The following TRAPPC9 variants were observed in gnomAD, a reference collection of about 807,000 sequenced individuals.
TRAPPC9 encodes the protein trafficking protein particle complex subunit 9.
A neutral mutation model predicts 124.0 loss-of-function variants in TRAPPC9; 83 were observed. The observed-to-expected ratio is 0.67, with a 90% CI of 0.56 to 0.80. The LOEUF is 0.80. Ranked by LOEUF, TRAPPC9 falls within the 30% of genes least tolerant of loss-of-function variation. TRAPPC9 has a pLI of 0.00. For synonymous variants in TRAPPC9, 638 were observed against 617.5 expected (o/e 1.03, Z -0.49); for missense variants, 1,302 against 1,508.3 (o/e 0.86, Z 2.27).
At chr8:140,126,889 C>T (rs970631866) in intron 17 of TRAPPC9, among the ~76,000 whole-genome samples, 11 of 152,168 alleles carry the variant, frequency 7.2e-5, no homozygotes, top group African/African-American at 1.9e-4. Context: ...ACTAATTGTG[C>T]GTTCGCAGCT....
chr8:139,910,183 C>T lies in TRAPPC9; in HGVS notation c.2928G>A (p.Leu976=). Residue 976 remains leucine, a synonymous_variant, in exon 20 of 23, where the codon CTG becomes CTA. Transcript: ENST00000438773. The part of the protein sequence containing the change: ...LEEERREARG[L]EIHSKLGICW... ...AGATGCCCAGCTTGCTGTGGATCTC[C>T]AGGCCTCGGGCTTCCCGCCGCTCTT... The T allele has an allele frequency of 6.2e-7, 1 of 1,613,674 alleles. No individual in the cohort carries two copies. The highest frequency in any genetic ancestry group is 1.1e-5 in the South Asian group (1 of 91,062).
intron 17 of TRAPPC9, among the ~76,000 whole-genome samples, chr8:140,066,099 G>A (rs883613): frequency 0.33 from 50,336 of 152,156 alleles, 8,588 homozygotes; most frequent in Non-Finnish European, 0.37. Context: ...GTGTGTGGAA[G>A]AAGTTGAATC....
intron 16 of TRAPPC9, among the ~76,000 whole-genome samples, chr8:140,230,835 A>G (rs952363512): frequency 6.6e-6 from 1 of 152,174 alleles, no homozygotes; most frequent in African/African-American, 2.4e-5. Flanking sequence ...AGCCACAGGT[A>G]AGGAAGGCAT....
chr8:139,925,051 C>G (rs1352826183), intron 19 of TRAPPC9, among the ~76,000 whole-genome samples: 1 of 152,220 alleles, frequency 6.6e-6, no homozygotes. Flanking sequence ...ACGCCTCCCA[C>G]TGCCTACAGG....
At chr8:140,198,866 G>A (rs893011999) in intron 17 of TRAPPC9, among the ~76,000 whole-genome samples, 4 of 152,176 alleles carry the variant, frequency 2.6e-5, no homozygotes, top group Non-Finnish European at 4.4e-5. Context: ...CACCAAGGAC[G>A]TTCTTGTATT....
chr8:140,176,802 T>G (rs554033414), intron 17 of TRAPPC9, among the ~76,000 whole-genome samples: 1 of 152,222 alleles, frequency 6.6e-6, no homozygotes, highest in African/African-American at 2.4e-5. Flanking sequence ...AGTTACTCTG[T>G]AGCCTCACCA....
At chr8:139,804,518 C>T (rs1274893978) in intron 21 of TRAPPC9, among the ~76,000 whole-genome samples, 1 of 138,074 alleles carries the variant, frequency 7.2e-6, no homozygotes, top group Non-Finnish European at 1.6e-5. Flanking sequence ...CCACCCACCA[C>T]CGCCACCACA....
At chr8:140,264,273 TCC>T (rs1004421191) in intron 15 of TRAPPC9, among the ~76,000 whole-genome samples, 9 of 152,036 alleles carry the variant, frequency 5.9e-5, no homozygotes, top group Admixed American at 3.3e-4. Flanking sequence ...AATCGTCTCC[TCC>T]CCGTCAGCGC....
chr8:140,327,993 G>A (rs989989388), intron 9 of TRAPPC9, among the ~76,000 whole-genome samples: 2 of 152,150 alleles, frequency 1.3e-5, no homozygotes, highest in African/African-American at 2.4e-5. Context: ...GGTGGCTCAC[G>A]CCTGTAATCC....
chr8:139,939,569 G>A (rs1449988452), intron 19 of TRAPPC9, among the ~76,000 whole-genome samples: 1 of 152,126 alleles, frequency 6.6e-6, no homozygotes, highest in African/African-American at 2.4e-5. Context: ...GTTTGAAGCT[G>A]CAGGCCTGCA....
Position 140,166,674 on chromosome 8 carries a change from T to A in TRAPPC9, c.2556+54785A>T, listed in dbSNP as rs537900527. 4.6e-5 allele frequency among the ~76,000 whole-genome samples: 7 copies of A among 152,356 alleles called. No individual in the cohort carries two copies. The South Asian group carries it at 1.4e-3, about 32-fold the overall frequency. ...GAATTTCAGATACTGAGCTGGGGTCTGGAAGGTCACACGCAGCAAGAAAGC... is the reference window on the plus strand; with the variant it reads ...GAATTTCAGATACTGAGCTGGGGTCAGGAAGGTCACACGCAGCAAGAAAGC... On this transcript the variant is annotated intron_variant, in intron 17 of 22. Transcript: ENST00000438773.
At chr8:140,311,536 AT>A (rs2066298775) in intron 9 of TRAPPC9, among the ~76,000 whole-genome samples, 162 bp from the exon 10 acceptor site, 1 of 152,226 alleles carries the variant, frequency 6.6e-6, no homozygotes, top group Admixed American at 6.5e-5. Context: ...CAGAAGCCAT[AT>A]TCCACTTATT....
At chr8:139,906,966 T>A (rs1303487901) in intron 20 of TRAPPC9, among the ~76,000 whole-genome samples, 1 of 152,160 alleles carries the variant, frequency 6.6e-6, no homozygotes, top group Non-Finnish European at 1.5e-5. Context: ...TCTTCATCTC[T>A]CTACGTGAAC....
At chr8:140,410,052 G>A (rs2069640184) in intron 5 of TRAPPC9, among the ~76,000 whole-genome samples, 1 of 145,858 alleles carries the variant, frequency 6.9e-6, no homozygotes, top group South Asian at 2.2e-4. Context: ...GAGGCAGGAG[G>A]ACTGCTTGAG....
chr8:139,852,387 A>T (rs1827538739), intron 21 of TRAPPC9, among the ~76,000 whole-genome samples: 1 of 152,134 alleles, frequency 6.6e-6, no homozygotes, highest in South Asian at 2.1e-4. Context: ...CTGGTACCGG[A>T]TCATGAATTC....
At chr8:139,901,786 C>T (rs946869314) in intron 20 of TRAPPC9, among the ~76,000 whole-genome samples, 31 of 152,340 alleles carry the variant, frequency 2.0e-4, no homozygotes, top group African/African-American at 6.0e-4. Context: ...AGCAGCTGCC[C>T]GTGCCCCCGG....
chr8:140,335,904 C>T (rs2067021834), intron 9 of TRAPPC9, among the ~76,000 whole-genome samples: 1 of 151,850 alleles, frequency 6.6e-6, no homozygotes, highest in Admixed American at 6.6e-5. Flanking sequence ...CCAGGGATTT[C>T]GCCATGTTGA....
At chr8:140,031,963 C>T (rs1204571393) in intron 17 of TRAPPC9, among the ~76,000 whole-genome samples, 1 of 152,186 alleles carries the variant, frequency 6.6e-6, no homozygotes, top group Admixed American at 6.5e-5. Flanking sequence ...GTCAGAGAGT[C>T]GAGGCCAGAC....
rs1320190150 is a variant in TRAPPC9, at chr8:139,886,111, C to T, written c.2965-142G>A. 3 of 772,948 alleles carry T rather than the reference C, an allele frequency of 3.9e-6. No homozygotes were observed. In the African/African-American group the frequency reaches 5.2e-5, roughly 13 times the overall value. The allele number at this position is 772,948 out of a possible 1,614,324, so 47.9% of individuals were successfully genotyped here. A position where few individuals can be genotyped will look rare whatever the true frequency, so the allele number is the denominator to read the frequency against. ...CTTCTGAAGGGACTGTCTAACCAAC[C>T]ACTATGACATCACCCTGGGTATGTG... On this transcript the variant is annotated intron_variant, in intron 20 of 22. Coordinates refer to ENST00000438773, the MANE Select transcript of TRAPPC9 (RefSeq NM_001160372.4).
Sources: gnomAD v4.1 joint callset for allele counts (sites outside exome capture counted in the v4.1 genomes callset) on GRCh38, gnomAD v4.1.1 for gene constraint, MANE v1.5 for transcripts, NCBI Gene and HGNC (gene_info 2026-07-23, HGNC 2026-07-21) for gene names.